The following SCAPER variants were observed in gnomAD, a reference collection of about 807,000 sequenced individuals.
SCAPER encodes S-phase cyclin A associated protein in the ER, also known as S phase cyclin A-associated protein in the endoplasmic reticulum.
In SCAPER, 98 loss-of-function variants were observed where a neutral mutation model predicts 182.2. The observed-to-expected ratio is 0.54, with a 90% confidence interval of 0.46 to 0.64. The LOEUF (loss-of-function observed/expected upper bound fraction) is 0.64, where lower values mean the gene tolerates loss of function less well. SCAPER is among the 30% of genes least tolerant of loss of function. The pLI, the probability that SCAPER is intolerant of heterozygous loss-of-function variation, is 0.00. For synonymous variants in SCAPER, 605 were observed against 564.6 expected (o/e 1.07, Z -1.01); for missense variants, 1,432 against 1,690.0 (o/e 0.85, Z 2.68).
chr15:76,808,855 A>G lies in SCAPER; in HGVS notation c.394-4222T>C, dbSNP rs1387167446. ...AAGACTGTGCAGTCTGAACAAGAAT[A>G]TGGCATCACTGCAGATCCTCTCCCC... On this transcript the variant is annotated intron_variant, in intron 5 of 31. Transcript: ENST00000563290. 2.6e-5 allele frequency among the ~76,000 whole-genome samples: 4 copies of G among 152,346 alleles called. No homozygotes were observed. The East Asian group carries it at 7.7e-4, about 29-fold the overall frequency.
chr15:76,440,427 G>A (rs924228769), intron 25 of SCAPER, among the ~76,000 whole-genome samples: 2 of 152,126 alleles, frequency 1.3e-5, no homozygotes, highest in African/African-American at 4.8e-5. Context: ...GAAATCTATT[G>A]TTCTGTAATG....
chr15:76,493,254 T>C (rs1361635521), intron 24 of SCAPER, among the ~76,000 whole-genome samples: 1 of 152,198 alleles, frequency 6.6e-6, no homozygotes, highest in Non-Finnish European at 1.5e-5. Flanking sequence ...AAATATAACA[T>C]TTTAATAACA....
chr15:76,506,578 A>G lies in SCAPER; in HGVS notation c.2839-1604T>C, dbSNP rs950478785. ...AGGATAGGCTTCTCTGAGAAAATTG[A>G]AGTTTTAAGACATGTAAAAGAAAGT... On this transcript the variant is annotated intron_variant, in intron 23 of 31. Coordinates refer to ENST00000563290, the MANE Select transcript of SCAPER (RefSeq NM_020843.4). 9.8e-5 allele frequency among the ~76,000 whole-genome samples: 15 copies of G among 152,288 alleles called. No individual in the cohort carries two copies. In the East Asian group the frequency reaches 1.2e-3, roughly 12 times the overall value.
At chr15:76,507,208 A>G (rs149249877) in intron 23 of SCAPER, among the ~76,000 whole-genome samples, 123 of 152,234 alleles carry the variant, frequency 8.1e-4, no homozygotes, top group Admixed American at 2.2e-3. Context: ...TGGCGTTCTT[A>G]TAAGAGGAGA....
intron 1 of SCAPER, among the ~76,000 whole-genome samples, chr15:76,885,536 T>C (rs1345183967): frequency 6.6e-6 from 1 of 152,192 alleles, no homozygotes; most frequent in Non-Finnish European, 1.5e-5. Context: ...CAGACTGGAG[T>C]GCAATGGTGC....
In SCAPER at chr15:76,752,682, A is replaced by G. The variant is rs759296736; in HGVS notation, c.1866+1126T>C. 3.9e-4 allele frequency among the ~76,000 whole-genome samples: 59 copies of G among 151,794 alleles called. 1 individual carries two copies. The highest frequency in any genetic ancestry group is 2.7e-4 in the Non-Finnish European group (18 of 67,732). On this transcript the variant is annotated intron_variant, in intron 15 of 31. Coordinates refer to ENST00000563290, the MANE Select transcript of SCAPER (RefSeq NM_020843.4). ...AGAGGTACTTACAGTAGTCAAAATC[A>G]TAGATCTAGAAAGTAGAATGATGAT...
At chr15:76,632,145 C>T (rs2146258520) in intron 21 of SCAPER, among the ~76,000 whole-genome samples, 1 of 152,218 alleles carries the variant, frequency 6.6e-6, no homozygotes, top group East Asian at 1.9e-4. Context: ...AGGTCATTTA[C>T]ATTCCTCTCT....
intron 28 of SCAPER, among the ~76,000 whole-genome samples, chr15:76,378,876 G>A (rs2042746609): frequency 6.6e-6 from 1 of 152,166 alleles, no homozygotes; most frequent in African/African-American, 2.4e-5. Flanking sequence ...ACCAGTCCTA[G>A]GTGAATCTTG....
intron 23 of SCAPER, among the ~76,000 whole-genome samples, chr15:76,560,325 T>A (rs1007289246): frequency 2.6e-5 from 4 of 152,226 alleles, no homozygotes; most frequent in African/African-American, 9.6e-5. Flanking sequence ...ACACAGCTAC[T>A]ACATGATCTA....
chr15:76,795,563 T>C (rs1598775552), intron 7 of SCAPER, 123 bp from the exon 8 acceptor site: 2 of 646,860 alleles, frequency 3.1e-6, no homozygotes, highest in East Asian at 3.2e-5. Context: ...AATAATAATC[T>C]GCCACGGCAA....
chr15:76,747,258 C>T (rs915156987), intron 15 of SCAPER, among the ~76,000 whole-genome samples: 1 of 152,310 alleles, frequency 6.6e-6, no homozygotes, highest in African/African-American at 2.4e-5. Flanking sequence ...AATCCCAGCA[C>T]TTTGGGAGAC....
intron 28 of SCAPER, chr15:76,380,477 G>A (rs2042876746): frequency 6.6e-6 from 1 of 151,922 alleles, no homozygotes; most frequent in Non-Finnish European, 1.5e-5. Context: ...TGGCACATTT[G>A]TCATCAGCTA....
At chr15:76,827,416 C>T (rs1400494230) in intron 5 of SCAPER, among the ~76,000 whole-genome samples, 1 of 152,136 alleles carries the variant, frequency 6.6e-6, no homozygotes, top group African/African-American at 2.4e-5. Flanking sequence ...CTAATTATAA[C>T]ATAACCAAAA....
chr15:76,621,916 A>G, intron 21 of SCAPER, 87 bp from the exon 22 acceptor site: 1 of 871,852 alleles, frequency 1.1e-6, no homozygotes, highest in Non-Finnish European at 1.8e-6. Flanking sequence ...TCCCCTATTA[A>G]ATATAACACT....
intron 14 of SCAPER, among the ~76,000 whole-genome samples, chr15:76,760,299 G>T (rs2062700410): frequency 1.3e-5 from 2 of 152,132 alleles, no homozygotes; most frequent in African/African-American, 4.8e-5. Context: ...TGATTAATTT[G>T]CTAGAGTGGC....
At chr15:76,782,543 T>C (rs1350874887) in intron 8 of SCAPER, among the ~76,000 whole-genome samples, 2 of 152,170 alleles carry the variant, frequency 1.3e-5, no homozygotes, top group African/African-American at 4.8e-5. Flanking sequence ...AATAGACATC[T>C]ACAGAACTCT....
intron 8 of SCAPER, among the ~76,000 whole-genome samples, chr15:76,786,379 A>G (rs1197503574): frequency 2.0e-5 from 3 of 151,954 alleles, no homozygotes; most frequent in African/African-American, 7.2e-5. Context: ...TCAATAGGCT[A>G]AACAACAAAA....
chr15:76,354,471 C>A lies in SCAPER; in HGVS notation c.3856-331G>T. 4.1e-6 allele frequency: 1 copy of A among 241,590 alleles called. No individual in the cohort carries two copies. Among genetic ancestry groups the A allele is most frequent in the South Asian group, 6.0e-5 (1 of 16,676 alleles). The allele number at this position is 241,590 out of a possible 1,614,324, so 15.0% of individuals were successfully genotyped here. A position where few individuals can be genotyped will look rare whatever the true frequency, so the allele number is the denominator to read the frequency against. On this transcript the variant is annotated intron_variant, in intron 29 of 31. Coordinates refer to ENST00000563290, the MANE Select transcript of SCAPER (RefSeq NM_020843.4). This position sits in a 1 kb window ranked among gnomAD's most constrained non-coding sequence, Gnocchi z 4.4. ...TGCTTTAACAAAGTGCTCCCCACAC[C>A]CCCTTAAAGCAGAGTAGTCATATTC...
chr15:76,751,814 T>C (rs1232144502), intron 15 of SCAPER, among the ~76,000 whole-genome samples: 2 of 151,644 alleles, frequency 1.3e-5, no homozygotes. Flanking sequence ...CGACACTAGA[T>C]TTTGCAATGA....
Sources: gnomAD v4.1 joint callset for allele counts (sites outside exome capture counted in the v4.1 genomes callset) on GRCh38, gnomAD v4.1.1 for gene constraint, Gnocchi (gnomAD v3.1) non-coding constraint, MANE v1.5 for transcripts, NCBI Gene and HGNC (gene_info 2026-07-23, HGNC 2026-07-21) for gene names.